CCSER1: variants seen among roughly 807,000 people sequenced by gnomAD.
CCSER1 encodes the protein serine-rich coiled-coil domain-containing protein 1.
CCSER1 carries 41 observed loss-of-function variants against 82.0 expected under a neutral mutation model. The ratio of observed to expected loss-of-function variants is 0.50; its 90% CI spans 0.39 to 0.65. The LOEUF (loss-of-function observed/expected upper bound fraction) is 0.65, where lower values mean the gene tolerates loss of function less well. CCSER1 is among the 30% of genes least tolerant of loss of function. CCSER1 has a pLI of 0.00. For synonymous variants in CCSER1, 414 were observed against 383.9 expected (o/e 1.08, Z -0.92); for missense variants, 1,119 against 1,064.2 (o/e 1.05, Z -0.72).
intron 1 of CCSER1, among the ~76,000 whole-genome samples, chr4:90,151,835 A>C (rs1291217170): frequency 1.3e-5 from 2 of 152,174 alleles, no homozygotes; most frequent in African/African-American, 4.8e-5. Flanking sequence ...AAAGATAACA[A>C]GATGAGTTAG....
chr4:91,198,109 T>G (rs904243761), intron 10 of CCSER1, among the ~76,000 whole-genome samples: 1 of 152,206 alleles, frequency 6.6e-6, no homozygotes, highest in African/African-American at 2.4e-5. Context: ...TTAATTTTCA[T>G]AGTTCCTTAA....
chr4:90,412,651 C>G lies in CCSER1; in HGVS notation c.1603+12522C>G, dbSNP rs13139812. ...CACAAGCAAAACAGAATTAAAAACA[C>G]ATATCACATGATCATCTCAATAGAA... On this transcript the variant is annotated intron_variant, in intron 4 of 10. Transcript: ENST00000509176. 6.8e-3 allele frequency among the ~76,000 whole-genome samples: 1,036 copies of G among 151,912 alleles called. 3 individuals carry two copies. Among genetic ancestry groups the G allele is most frequent in the Non-Finnish European group, 0.011 (753 of 67,934 alleles).
intron 4 of CCSER1, among the ~76,000 whole-genome samples, chr4:90,425,955 T>C (rs988649588): frequency 2.0e-5 from 3 of 152,070 alleles, no homozygotes; most frequent in African/African-American, 7.2e-5. Context: ...AAAAGAGCAG[T>C]ATGCAGGACA....
chr4:91,203,197 G>GTGATGGTATCTCACAT (rs1736069885), intron 10 of CCSER1, among the ~76,000 whole-genome samples: 1 of 151,880 alleles, frequency 6.6e-6, no homozygotes, highest in Non-Finnish European at 1.5e-5. Context: ...TCTAACTGGT[G>GTGATGGTATCTCACAT]TGAGATGGTA....
chr4:90,915,851 G>A (rs1333464221), intron 8 of CCSER1, among the ~76,000 whole-genome samples: 1 of 151,904 alleles, frequency 6.6e-6, no homozygotes, highest in African/African-American at 2.4e-5. Flanking sequence ...AAAATCACAA[G>A]CATTCTTATA....
intron 10 of CCSER1, among the ~76,000 whole-genome samples, chr4:91,103,545 C>T (rs936242545): frequency 1.6e-4 from 24 of 152,048 alleles, no homozygotes; most frequent in Admixed American, 1.2e-3. Flanking sequence ...TCAGGGACCC[C>T]GAATGGAGGG....
At chr4:90,415,482 C>G (rs1051645624) in intron 4 of CCSER1, among the ~76,000 whole-genome samples, 16 of 152,224 alleles carry the variant, frequency 1.1e-4, no homozygotes, top group African/African-American at 3.6e-4. Flanking sequence ...TTTAGTCAGA[C>G]AGAAAGTAAT....
At chr4:91,073,679 A>G (rs1721663276) in intron 9 of CCSER1, among the ~76,000 whole-genome samples, 1 of 152,168 alleles carries the variant, frequency 6.6e-6, no homozygotes, top group Non-Finnish European at 1.5e-5. Flanking sequence ...AAGCTTAAAT[A>G]AGGCTGACAA....
At position 90,461,718 on chromosome 4, in the gene CCSER1, A is replaced by G. The variant is rs184100381; in HGVS notation, c.1604-6516A>G. ...TCTTCAGTCTCTCATTCATTTACCA[A>G]AGATTATTGAGTGCCTCTTTTGTGC... On this transcript the variant is annotated intron_variant, in intron 4 of 10. Coordinates refer to ENST00000509176, the MANE Select transcript of CCSER1 (RefSeq NM_001145065.2). Among the ~76,000 whole-genome samples, 124 of 152,172 alleles carry G rather than the reference A, an allele frequency of 8.1e-4. 1 individual carries two copies. Among genetic ancestry groups the G allele is most frequent in the Non-Finnish European group, 1.3e-3 (88 of 68,020 alleles).
chr4:91,292,761 A>G, intron 10 of CCSER1, among the ~76,000 whole-genome samples: 1 of 151,984 alleles, frequency 6.6e-6, no homozygotes, highest in East Asian at 1.9e-4. Context: ...AAAACAGAGC[A>G]AAAATAAATT....
chr4:90,641,981 A>G, intron 6 of CCSER1: 1 of 338,512 alleles, frequency 3.0e-6, no homozygotes, highest in South Asian at 2.2e-5. Flanking sequence ...CTTGTAAAAC[A>G]ACTCACATAC....
chr4:90,484,369 A>G (rs1190393500), intron 5 of CCSER1, among the ~76,000 whole-genome samples: 2 of 151,746 alleles, frequency 1.3e-5, no homozygotes, highest in African/African-American at 4.8e-5. Flanking sequence ...TGTTCTCTCA[A>G]CTCATCAAAG....
At chr4:91,276,065 G>T (rs1353425261) in intron 10 of CCSER1, among the ~76,000 whole-genome samples, 8 of 151,974 alleles carry the variant, frequency 5.3e-5, no homozygotes, top group Non-Finnish European at 1.2e-4. Flanking sequence ...CTCTAGGCTT[G>T]TAATAAATTT....
At chr4:91,011,929 G>C (rs910915229) in intron 9 of CCSER1, among the ~76,000 whole-genome samples, 1 of 134,752 alleles carries the variant, frequency 7.4e-6, no homozygotes, top group African/African-American at 2.5e-5. Flanking sequence ...TCAGGAGGTG[G>C]GTGTTTCTGC....
intron 5 of CCSER1, among the ~76,000 whole-genome samples, chr4:90,468,825 T>C (rs1375714383): frequency 6.6e-6 from 1 of 152,162 alleles, no homozygotes; most frequent in Non-Finnish European, 1.5e-5. Flanking sequence ...TTTTCATATT[T>C]TTTCCATTTA....
intron 10 of CCSER1, among the ~76,000 whole-genome samples, chr4:91,177,225 A>G (rs1733486316): frequency 6.6e-6 from 1 of 152,146 alleles, no homozygotes; most frequent in Admixed American, 6.5e-5. Context: ...GTTTGCCAGT[A>G]TTTTATTGAG....
At chr4:90,915,832 C>G (rs976699784) in intron 8 of CCSER1, among the ~76,000 whole-genome samples, 1 of 151,952 alleles carries the variant, frequency 6.6e-6, no homozygotes, top group African/African-American at 2.4e-5. Context: ...GATACAAAAT[C>G]AATGTGCAAA....
intron 10 of CCSER1, among the ~76,000 whole-genome samples, chr4:91,384,098 T>C (rs140401475): frequency 1.3e-5 from 2 of 152,274 alleles, no homozygotes; most frequent in East Asian, 3.9e-4. Flanking sequence ...TTCCAACTAC[T>C]ATATAATGGA....
At chr4:91,166,215 T>G (rs546830185) in intron 10 of CCSER1, among the ~76,000 whole-genome samples, 1 of 152,342 alleles carries the variant, frequency 6.6e-6, no homozygotes, top group African/African-American at 2.4e-5. Context: ...TCAAGAGGCA[T>G]ATTGGTTGAC....
Sources: allele counts gnomAD v4.1 joint callset (sites outside exome capture counted in the v4.1 genomes callset), GRCh38; gene constraint gnomAD v4.1.1; transcripts MANE v1.5; gene names NCBI Gene and HGNC (gene_info 2026-07-23, HGNC 2026-07-21).